Variants in MEI4 observed in about 807,000 individuals in gnomAD.
The protein encoded by MEI4 is meiosis-specific protein MEI4.
MEI4 carries 27 observed loss-of-function variants against 31.4 expected under a neutral mutation model. That is an observed-to-expected ratio of 0.86 (90% CI 0.63 to 1.19). MEI4 has a LOEUF of 1.19. MEI4 is among the 50% of genes most tolerant of loss of function. The probability of loss-of-function intolerance (pLI) is 0.00; values close to 1 mark genes in which losing one functional copy is unlikely to be tolerated. For synonymous variants in MEI4, 122 were observed against 145.4 expected, an observed-to-expected ratio of 0.84 and a Z score of 1.16; for missense variants, 329 against 398.9, an observed-to-expected ratio of 0.82 and a Z score of 1.49.
At chr6:77,675,753 A>G (rs1768833173) in intron 1 of MEI4, among the ~76,000 whole-genome samples, 1 of 152,082 alleles carries the variant, frequency 6.6e-6, no homozygotes, top group African/African-American at 2.4e-5. Flanking sequence ...AATTCTGTAG[A>G]TTTACTCATG....
chr6:77,750,917 C>G (rs1767753414), intron 2 of MEI4, among the ~76,000 whole-genome samples: 1 of 152,168 alleles, frequency 6.6e-6, no homozygotes, highest in Non-Finnish European at 1.5e-5. Flanking sequence ...TCATAACAAA[C>G]AGTCTCTCAG....
At chr6:77,812,671 T>C (rs1769602577) in intron 3 of MEI4, among the ~76,000 whole-genome samples, 1 of 152,132 alleles carries the variant, frequency 6.6e-6, no homozygotes, top group Non-Finnish European at 1.5e-5. Context: ...ATCACGTCTC[T>C]GGTAATTTCC....
chr6:77,813,087 A>G (rs1205587386), intron 3 of MEI4, among the ~76,000 whole-genome samples: 2 of 152,098 alleles, frequency 1.3e-5, no homozygotes, highest in Non-Finnish European at 2.9e-5. Context: ...TAAAAATCTT[A>G]TCTTCCATGA....
intron 4 of MEI4, among the ~76,000 whole-genome samples, chr6:77,873,025 G>A (rs567575633): frequency 6.6e-6 from 1 of 151,526 alleles, no homozygotes; most frequent in Non-Finnish European, 1.5e-5. Context: ...ATTGTGAATA[G>A]TGCTGCAATA....
chr6:77,671,224 T>C (rs1039094469), intron 1 of MEI4, among the ~76,000 whole-genome samples: 4 of 152,018 alleles, frequency 2.6e-5, no homozygotes, highest in African/African-American at 9.7e-5. Flanking sequence ...GCTCAGCTAA[T>C]TTTTGTATTT....
chr6:77,807,922 T>G (rs1009433316), intron 3 of MEI4, among the ~76,000 whole-genome samples: 1 of 152,182 alleles, frequency 6.6e-6, no homozygotes, highest in African/African-American at 2.4e-5. Flanking sequence ...ATGCTAAATT[T>G]TCGACCATTG....
chr6:77,830,452 G>C (rs377064513), intron 4 of MEI4, among the ~76,000 whole-genome samples: 1 of 152,064 alleles, frequency 6.6e-6, no homozygotes, highest in African/African-American at 2.4e-5. Flanking sequence ...CAAAACATTA[G>C]AGTGGTGAAG....
chr6:77,792,690 A>T (rs998024748), intron 3 of MEI4, among the ~76,000 whole-genome samples: 6 of 150,482 alleles, frequency 4.0e-5, no homozygotes, highest in African/African-American at 1.5e-4. Flanking sequence ...ATTGTTTTGC[A>T]TGTGGATATC....
chr6:77,902,052 T>A (rs1766197877), intron 4 of MEI4, among the ~76,000 whole-genome samples: 1 of 152,122 alleles, frequency 6.6e-6, no homozygotes, highest in Non-Finnish European at 1.5e-5. Context: ...TGTTTTCTGA[T>A]CCACTGGACT....
At chr6:77,875,132 G>C (rs564603176) in intron 4 of MEI4, among the ~76,000 whole-genome samples, 2 of 152,266 alleles carry the variant, frequency 1.3e-5, no homozygotes, top group South Asian at 2.1e-4. Flanking sequence ...AAGGCCTTCA[G>C]CTTCCTTGAG....
intron 4 of MEI4, among the ~76,000 whole-genome samples, chr6:77,838,004 G>A (rs1484618829): frequency 6.6e-6 from 1 of 152,086 alleles, no homozygotes; most frequent in African/African-American, 2.4e-5. Context: ...GTCTCATGAG[G>A]TAATCATATT....
At chr6:77,831,013 G>A (rs958176049) in intron 4 of MEI4, among the ~76,000 whole-genome samples, 5 of 151,496 alleles carry the variant, frequency 3.3e-5, no homozygotes, top group Admixed American at 3.3e-4. Context: ...TCTGACAAAG[G>A]ATTAATTACC....
intron 4 of MEI4, among the ~76,000 whole-genome samples, chr6:77,858,723 T>C (rs1770796679): frequency 6.6e-6 from 1 of 152,148 alleles, no homozygotes; most frequent in Admixed American, 6.6e-5. Flanking sequence ...TTGGAATAGT[T>C]ATTTCCTTTA....
chr6:77,862,060 G>T (rs992141235), intron 4 of MEI4, among the ~76,000 whole-genome samples: 2 of 82,202 alleles, frequency 2.4e-5, no homozygotes, highest in East Asian at 5.3e-4. Flanking sequence ...CCACAGCAAA[G>T]AATTAAAAAA....
chr6:77,757,226 AAT>A (rs1283126057), intron 2 of MEI4, among the ~76,000 whole-genome samples: 1 of 152,210 alleles, frequency 6.6e-6, no homozygotes, highest in African/African-American at 2.4e-5. Flanking sequence ...ATAAAATATG[AAT>A]ATAAGGTTCT....
At chr6:77,699,424 C>T (rs1766152517) in intron 2 of MEI4, among the ~76,000 whole-genome samples, 1 of 151,930 alleles carries the variant, frequency 6.6e-6, no homozygotes, top group East Asian at 1.9e-4. Context: ...GATCTCCTGA[C>T]CTCGTGATCC....
chr6:77,906,095 A>C (rs922403059), intron 4 of MEI4, among the ~76,000 whole-genome samples: 1 of 152,150 alleles, frequency 6.6e-6, no homozygotes, highest in Non-Finnish European at 1.5e-5. Context: ...GATTTCAATA[A>C]ACTAATTCTG....
At chr6:77,817,874 C>T (rs1368435020) in intron 3 of MEI4, among the ~76,000 whole-genome samples, 1 of 152,082 alleles carries the variant, frequency 6.6e-6, no homozygotes, top group East Asian at 1.9e-4. Context: ...TCATATTTTA[C>T]ATCCAACATC....
intron 4 of MEI4, among the ~76,000 whole-genome samples, chr6:77,866,889 A>G (rs1034446811): frequency 1.3e-5 from 2 of 152,218 alleles, no homozygotes; most frequent in African/African-American, 4.8e-5. Context: ...AGACCAATGG[A>G]ACAGAACAGA....
Sources: allele counts gnomAD v4.1 joint callset (sites outside exome capture counted in the v4.1 genomes callset), GRCh38; gene constraint gnomAD v4.1.1; transcripts MANE v1.5; gene names NCBI Gene and HGNC (gene_info 2026-07-23, HGNC 2026-07-21).